GFRA1: variants seen among roughly 807,000 people sequenced by gnomAD.
GFRA1 encodes GDNF family receptor alpha 1.
GFRA1 carries 16 observed loss-of-function variants against 51.6 expected under a neutral mutation model. That is an observed-to-expected ratio of 0.31 (90% CI 0.21 to 0.47). GFRA1 has a LOEUF of 0.47. GFRA1 is among the 20% of genes least tolerant of loss of function. The pLI is 1.00. For synonymous variants in GFRA1, 270 were observed against 241.3 expected, an observed-to-expected ratio of 1.12 and a Z score of -1.10; for missense variants, 530 against 594.3, an observed-to-expected ratio of 0.89 and a Z score of 1.13.
At chr10:116,222,852 T>C (rs1410198648) in intron 4 of GFRA1, among the ~76,000 whole-genome samples, 1 of 152,076 alleles carries the variant, frequency 6.6e-6, no homozygotes, top group East Asian at 1.9e-4. Context: ...ATTGAAAATA[T>C]TTGAAAAAAT....
intron 9 of GFRA1, among the ~76,000 whole-genome samples, chr10:116,069,127 G>A (rs924629606): frequency 2.6e-5 from 4 of 152,062 alleles, no homozygotes; most frequent in Admixed American, 6.6e-5. Flanking sequence ...TCAGCCAGCC[G>A]GTACCTATGC....
At chr10:116,135,472 C>T (rs1220942973) in intron 5 of GFRA1, among the ~76,000 whole-genome samples, 1 of 152,152 alleles carries the variant, frequency 6.6e-6, no homozygotes, top group African/African-American at 2.4e-5. Context: ...TTACCACACA[C>T]TCAGGCACAT....
chr10:116,224,952 C>T (rs529403362), intron 4 of GFRA1, among the ~76,000 whole-genome samples: 1 of 152,276 alleles, frequency 6.6e-6, no homozygotes, highest in South Asian at 2.1e-4. Context: ...CCTATGAACA[C>T]ATCTGAAGAA....
At chr10:116,269,891 C>T (rs371736009) in intron 3 of GFRA1, among the ~76,000 whole-genome samples, 6 of 152,058 alleles carry the variant, frequency 3.9e-5, no homozygotes, top group Admixed American at 2.0e-4. Flanking sequence ...GGTGACGTCA[C>T]GAGCCCTGCT....
chr10:116,142,001 T>C (rs557909995), intron 5 of GFRA1, among the ~76,000 whole-genome samples: 29 of 152,284 alleles, frequency 1.9e-4, no homozygotes, highest in Admixed American at 5.2e-4. Context: ...GCAGTGAGAA[T>C]TGAAGTTTGA....
intron 5 of GFRA1, among the ~76,000 whole-genome samples, chr10:116,146,301 T>C (rs906141310): frequency 5.9e-5 from 9 of 152,228 alleles, no homozygotes; most frequent in African/African-American, 1.9e-4. Context: ...GAAAAAAATA[T>C]GATGTGTTTA....
chr10:116,202,975 G>A (rs1964457532), intron 5 of GFRA1, among the ~76,000 whole-genome samples: 1 of 152,110 alleles, frequency 6.6e-6, no homozygotes, highest in South Asian at 2.1e-4. Flanking sequence ...GGGCAGCCGT[G>A]GATGAGCATT....
chr10:116,110,427 C>T (rs1321394586), intron 6 of GFRA1, among the ~76,000 whole-genome samples: 1 of 152,104 alleles, frequency 6.6e-6, no homozygotes, highest in Non-Finnish European at 1.5e-5. Context: ...AGGGTTCCTG[C>T]CCACCAGTAG....
chr10:116,198,485 A>G (rs908828976), intron 5 of GFRA1, among the ~76,000 whole-genome samples: 3 of 152,248 alleles, frequency 2.0e-5, no homozygotes, highest in Admixed American at 6.5e-5. Flanking sequence ...TCCTCTATTT[A>G]CACTGTACCC....
chr10:116,196,242 C>A (rs1963736551), intron 5 of GFRA1, among the ~76,000 whole-genome samples: 1 of 150,416 alleles, frequency 6.6e-6, no homozygotes, highest in Non-Finnish European at 1.5e-5. Flanking sequence ...GCAATCCCAG[C>A]ACTTTGGGAG....
intron 4 of GFRA1, among the ~76,000 whole-genome samples, chr10:116,218,691 C>T (rs1965726819): frequency 6.6e-6 from 1 of 152,194 alleles, no homozygotes; most frequent in Admixed American, 6.5e-5. Flanking sequence ...AATAAGGTTG[C>T]TCAAACTGAA....
At chr10:116,115,299 GC>G in intron 6 of GFRA1, among the ~76,000 whole-genome samples, 1 of 152,172 alleles carries the variant, frequency 6.6e-6, no homozygotes, top group East Asian at 1.9e-4. Context: ...AGGACTCTAA[GC>G]CTGGCTGTGA....
chr10:116,208,525 C>T (rs1964953728), intron 5 of GFRA1, among the ~76,000 whole-genome samples: 1 of 152,138 alleles, frequency 6.6e-6, no homozygotes, highest in Non-Finnish European at 1.5e-5. Context: ...TTAACAAGAT[C>T]CTGGCTCCAG....
chr10:116,149,158 T>C (rs555396367), intron 5 of GFRA1, among the ~76,000 whole-genome samples: 68 of 152,314 alleles, frequency 4.5e-4, no homozygotes, highest in African/African-American at 1.5e-3. Flanking sequence ...TAGCCAATTA[T>C]TGAGGATCTC....
At chr10:116,247,293 C>T (rs1967946219) in intron 4 of GFRA1, among the ~76,000 whole-genome samples, 1 of 152,168 alleles carries the variant, frequency 6.6e-6, no homozygotes, top group South Asian at 2.1e-4. Context: ...TCATCACTAA[C>T]CCAAGTGTAA....
intron 5 of GFRA1, among the ~76,000 whole-genome samples, chr10:116,160,137 G>A (rs1421437950): frequency 6.6e-6 from 1 of 152,138 alleles, no homozygotes; most frequent in Non-Finnish European, 1.5e-5. Context: ...GGATATAAAA[G>A]CCTTTTGGTT....
At chr10:116,103,446 G>A (rs1443571342) in intron 6 of GFRA1, among the ~76,000 whole-genome samples, 2 of 152,154 alleles carry the variant, frequency 1.3e-5, no homozygotes, top group Non-Finnish European at 2.9e-5. Flanking sequence ...CTACATCTAT[G>A]TAACTAAAGG....
intron 6 of GFRA1, among the ~76,000 whole-genome samples, chr10:116,124,870 G>A (rs1219132139): frequency 1.3e-5 from 2 of 152,146 alleles, no homozygotes; most frequent in East Asian, 3.9e-4. Flanking sequence ...ATCACTGGCA[G>A]CCCTCAGGAC....
Position 116,065,700 on chromosome 10 carries a change from G to A in GFRA1, c.1198-74C>T, listed in dbSNP as rs921543019. On this transcript the variant is annotated intron_variant, in intron 9 of 10. Transcript: ENST00000355422. ...ATTACTGATGATCCATCAGTCAGCT[G>A]TCTAGGGCAATGCTCTCTGATAAAT... 26 of 1,171,152 alleles carry A rather than the reference G, an allele frequency of 2.2e-5. No individual in the cohort carries two copies. The Admixed American group carries it at 3.3e-4, about 15-fold the overall frequency. The allele number at this position is 1,171,152 out of a possible 1,614,324, so 72.5% of individuals were successfully genotyped here. A position where few individuals can be genotyped will look rare whatever the true frequency, so the allele number is the denominator to read the frequency against.
Sources: gnomAD v4.1 joint callset for allele counts (sites outside exome capture counted in the v4.1 genomes callset) on GRCh38, gnomAD v4.1.1 for gene constraint, MANE v1.5 for transcripts, NCBI Gene and HGNC (gene_info 2026-07-23, HGNC 2026-07-21) for gene names.